Variants in SIPA1L1 observed in about 807,000 individuals in gnomAD.
SIPA1L1 encodes signal induced proliferation associated 1 like 1, also known as signal-induced proliferation-associated 1-like protein 1.
Under a neutral mutation model 162.7 loss-of-function variants are expected in SIPA1L1, and 26 were observed. The observed-to-expected ratio is 0.16, with a 90% CI of 0.12 to 0.22. The LOEUF (loss-of-function observed/expected upper bound fraction) is 0.22. Ranked by LOEUF, SIPA1L1 falls within the 10% of genes least tolerant of loss-of-function variation. The probability of loss-of-function intolerance (pLI) is 1.00; values close to 1 mark genes in which losing one functional copy is unlikely to be tolerated. For synonymous variants in SIPA1L1, 829 were observed against 837.4 expected, an observed-to-expected ratio of 0.99 and a Z score of 0.17; for missense variants, 1,874 against 2,241.0, an observed-to-expected ratio of 0.84 and a Z score of 3.31.
chr14:71,585,040 A>G (rs958025874), intron 4 of SIPA1L1, among the ~76,000 whole-genome samples: 1 of 150,766 alleles, frequency 6.6e-6, no homozygotes, highest in Non-Finnish European at 1.5e-5. Context: ...TTTGACTGGT[A>G]GTTTAATAAG....
chr14:71,625,483 C>G (rs2039884198), intron 7 of SIPA1L1, among the ~76,000 whole-genome samples: 1 of 152,154 alleles, frequency 6.6e-6, no homozygotes, highest in Admixed American at 6.5e-5. Context: ...CTTTTCTAAT[C>G]TTTGCCTTTT....
intron 2 of SIPA1L1, among the ~76,000 whole-genome samples, chr14:71,323,433 C>G (rs991629874): frequency 2.0e-5 from 3 of 152,026 alleles, no homozygotes; most frequent in African/African-American, 7.2e-5. Context: ...TGACTATGTG[C>G]CTCTTATCAG....
chr14:71,548,814 C>T (rs1299697166), intron 4 of SIPA1L1, among the ~76,000 whole-genome samples: 2 of 147,520 alleles, frequency 1.4e-5, no homozygotes, highest in Non-Finnish European at 3.0e-5. Flanking sequence ...ACAAGAATCC[C>T]TTGAACCTGA....
At chr14:71,599,436 G>GCC (rs764692275) in intron 5 of SIPA1L1, among the ~76,000 whole-genome samples, 72 of 149,294 alleles carry the variant, frequency 4.8e-4, no homozygotes, top group Admixed American at 2.0e-4. Context: ...ACAGGCATGA[G>GCC]CCACCACGCT....
intron 2 of SIPA1L1, among the ~76,000 whole-genome samples, chr14:71,404,002 C>T (rs1456656071): frequency 6.8e-6 from 1 of 146,946 alleles, no homozygotes. Context: ...CACCCACCCA[C>T]ATCACAGTGA....
Position 71,398,635 on chromosome 14 carries a change from A to C in SIPA1L1, c.-465+77454A>C, listed in dbSNP as rs577502785. 3.9e-5 allele frequency among the ~76,000 whole-genome samples: 6 copies of C among 152,330 alleles called. No homozygotes were observed. In the South Asian group the frequency reaches 1.0e-3, roughly 26 times the overall value. ...TTGTAATCTCGGAATGACTGATAGC[A>C]CACAAGTTCATGGATGCCAGAAATG... On this transcript the variant is annotated intron_variant, in intron 2 of 23. Transcript: ENST00000381232.
intron 19 of SIPA1L1, among the ~76,000 whole-genome samples, chr14:71,726,000 G>A (rs973740158): frequency 2.6e-5 from 4 of 152,158 alleles, no homozygotes; most frequent in Non-Finnish European, 4.4e-5. Context: ...TGGGGCTGCC[G>A]CCCTCAGGCT....
intron 5 of SIPA1L1, among the ~76,000 whole-genome samples, chr14:71,614,218 C>CAA (rs113098752): frequency 1.1e-4 from 10 of 87,348 alleles, no homozygotes; most frequent in African/African-American, 2.0e-4. Flanking sequence ...ACGCTGTCTC[C>CAA]AAAAAAAAAA....
At chr14:71,493,924 G>C (rs1344905119) in intron 2 of SIPA1L1, among the ~76,000 whole-genome samples, 3 of 152,184 alleles carry the variant, frequency 2.0e-5, no homozygotes, top group Non-Finnish European at 4.4e-5. Context: ...GATGTGGGCA[G>C]GCCAGCCCGA....
chr14:71,536,458 C>T (rs1373205481), intron 4 of SIPA1L1, among the ~76,000 whole-genome samples: 2 of 152,200 alleles, frequency 1.3e-5, no homozygotes, highest in African/African-American at 4.8e-5. Flanking sequence ...AGAGCTTTGT[C>T]CTCTGCCCTC....
At chr14:71,467,117 A>G (rs1369253040) in intron 2 of SIPA1L1, 1 of 152,346 alleles carries the variant, frequency 6.6e-6, no homozygotes, top group Non-Finnish European at 1.5e-5. Flanking sequence ...TTGCCATTTC[A>G]GTGTCCAGAT....
intron 10 of SIPA1L1, among the ~76,000 whole-genome samples, chr14:71,668,264 GGT>G (rs1175497570): frequency 6.6e-6 from 1 of 152,164 alleles, no homozygotes; most frequent in Non-Finnish European, 1.5e-5. Context: ...AGGAGTAGGA[GGT>G]TTGAAAGCAC....
chr14:71,733,577 C>A, intron 20 of SIPA1L1, 89 bp from the exon 21 acceptor site: 1 of 1,322,514 alleles, frequency 7.6e-7, no homozygotes, highest in African/African-American at 1.4e-5. Flanking sequence ...AAATGGCTTA[C>A]AATCTATTGT....
intron 4 of SIPA1L1, among the ~76,000 whole-genome samples, chr14:71,558,214 G>T (rs1258729132): frequency 1.3e-5 from 2 of 152,142 alleles, no homozygotes; most frequent in African/African-American, 4.8e-5. Flanking sequence ...ATGGATATTT[G>T]TTGAGTGAAT....
intron 2 of SIPA1L1, among the ~76,000 whole-genome samples, chr14:71,366,610 T>C (rs1285479745): frequency 1.3e-5 from 2 of 152,160 alleles, no homozygotes; most frequent in African/African-American, 2.4e-5. Context: ...ATTTTGTTTT[T>C]GTATTTTTAG....
At chr14:71,666,601 C>CAGT (rs2149312929) in intron 10 of SIPA1L1, among the ~76,000 whole-genome samples, 2 of 152,158 alleles carry the variant, frequency 1.3e-5, no homozygotes, top group Admixed American at 1.3e-4. Context: ...AAACTGTGGT[C>CAGT]AGTAGGTATG....
chr14:71,647,008 TACTTA>T (rs2149023213), intron 7 of SIPA1L1, among the ~76,000 whole-genome samples: 1 of 152,310 alleles, frequency 6.6e-6, no homozygotes, highest in East Asian at 1.9e-4. Flanking sequence ...TGATTACATT[TACTTA>T]ACTTCTGCTT....
intron 2 of SIPA1L1, among the ~76,000 whole-genome samples, chr14:71,410,664 A>C (rs1229792768): frequency 6.6e-6 from 1 of 152,172 alleles, no homozygotes; most frequent in African/African-American, 2.4e-5. Context: ...AAAACGTTTC[A>C]GATTTTGGAG....
chr14:71,480,341 G>A lies in SIPA1L1; in HGVS notation c.-464-32402G>A, dbSNP rs558168062. On this transcript the variant is annotated intron_variant, in intron 2 of 23. Transcript: ENST00000381232. ...TCACCTCAGTTGATCTGCCCACCTC[G>A]GCCTCCCAAAGTGTTGGGATTACAG... Among the ~76,000 whole-genome samples, 19 of 150,810 alleles carry A rather than the reference G, an allele frequency of 1.3e-4. No homozygotes were observed. In the South Asian group the frequency reaches 2.1e-3, roughly 17 times the overall value.
Sources: allele counts gnomAD v4.1 joint callset (sites outside exome capture counted in the v4.1 genomes callset), GRCh38; gene constraint gnomAD v4.1.1; transcripts MANE v1.5; gene names NCBI Gene and HGNC (gene_info 2026-07-23, HGNC 2026-07-21).